GSTA4: variants seen among roughly 807,000 people sequenced by gnomAD.
The protein encoded by GSTA4 is glutathione S-transferase alpha 4, also known as glutathione S-transferase A4.
GSTA4 carries 15 observed loss-of-function variants against 24.4 expected under a neutral mutation model. The ratio of observed to expected loss-of-function variants is 0.61; its 90% confidence interval spans 0.41 to 0.95. The LOEUF (loss-of-function observed/expected upper bound fraction) is 0.95, where lower values mean the gene tolerates loss of function less well. Ranked by LOEUF, GSTA4 falls within the 40% of genes least tolerant of loss-of-function variation. GSTA4 has a pLI of 0.00. For synonymous variants in GSTA4, 92 were observed against 94.2 expected, an observed-to-expected ratio of 0.98 and a Z score of 0.13; for missense variants, 244 against 262.1, an observed-to-expected ratio of 0.93 and a Z score of 0.48.
intron 6 of GSTA4, among the ~76,000 whole-genome samples, chr6:52,980,503 C>A (rs1034252309): frequency 1.3e-5 from 2 of 152,068 alleles, no homozygotes; most frequent in African/African-American, 4.8e-5. Context: ...GGGGTTTCAC[C>A]ATGTTGGCCA....
At chr6:52,985,706 C>G (rs1468061643) in intron 3 of GSTA4, 123 bp from the exon 4 acceptor site, 4 of 987,494 alleles carry the variant, frequency 4.1e-6, no homozygotes, top group Non-Finnish European at 4.6e-6. Flanking sequence ...TGTAAAGCTT[C>G]CAGATGACAG....
In GSTA4 at chr6:52,994,139, A is replaced by T; in HGVS notation, c.87+18T>A. 2.6e-6 allele frequency: 4 copies of T among 1,520,698 alleles called. No individual in the cohort carries two copies. Among genetic ancestry groups the T allele is most frequent in the Non-Finnish European group, 3.7e-6 (4 of 1,094,440 alleles). The allele number at this position is 1,520,698 out of a possible 1,614,324, so 94.2% of individuals were successfully genotyped here. A position where few individuals can be genotyped will look rare whatever the true frequency, so the allele number is the denominator to read the frequency against. On this transcript the variant is annotated intron_variant, in intron 2 of 6. Transcript: ENST00000370963. ...AAAGCTGTATGACAAATCCGTGAAG[A>T]AACAGCATATAAGGTACCTCGACTC...
chr6:52,994,176 A>G lies in GSTA4; in HGVS notation c.68T>C (p.Leu23Ser). The G allele has an allele frequency of 1.2e-6, 2 of 1,611,798 alleles. No individual in the cohort carries two copies. Among genetic ancestry groups the G allele is most frequent in the South Asian group, 1.1e-5 (1 of 91,034 alleles). ...RGRMESVRWVLAAAGVEFDEE... is the reference protein window; with the variant it reads ...RGRMESVRWVSAAAGVEFDEE... ...AGGTACCTCGACTCCGGCGGCAGCT[A>G]AAACCCATCTCACGGACTCCATCCG... is the stretch of plus-strand genomic sequence containing the variant. The change falls in exon 2 of 7, where the codon TTA becomes TCA. Residue 23 changes from leucine (L) to serine (S), a missense_variant. Physicochemically the swap from Leu to Ser is moderately radical, Grantham distance 145. Transcript: ENST00000370963.
chr6:52,987,225 C>A, intron 3 of GSTA4, 132 bp downstream of exon 3: 1 of 641,096 alleles, frequency 1.6e-6, no homozygotes, highest in Non-Finnish European at 2.8e-6. Flanking sequence ...TATTTATTCC[C>A]TCTTGCTTTT....
intron 3 of GSTA4, among the ~76,000 whole-genome samples, chr6:52,985,981 G>A (rs550300301): frequency 1.4e-4 from 21 of 152,254 alleles, no homozygotes; most frequent in African/African-American, 4.3e-4. Context: ...AACCCGGGAG[G>A]CGGAGGTTGC....
In GSTA4 at chr6:52,984,549, G is replaced by A; in HGVS notation, c.329C>T (p.Pro110Leu). The A allele has an allele frequency of 1.2e-6, 2 of 1,612,980 alleles. No homozygotes were observed. The highest frequency in any genetic ancestry group is 1.7e-6 in the Non-Finnish European group (2 of 1,178,986). The stretch of plus-strand genomic sequence containing the variant: ...TTGCTGATCATCTGGTTTTAAGAAA[G>A]GATGCATGATAAGCAGTTCCAGCAG... ...LDLLELLIMH[P>L]FLKPDDQQKE... The change falls in exon 5 of 7, where the codon CCT (proline) becomes CTT (leucine). Residue 110 changes from proline to leucine, a missense_variant. Transcript: ENST00000370963.
chr6:52,993,219 A>C (rs959501900), intron 2 of GSTA4, among the ~76,000 whole-genome samples: 2 of 152,266 alleles, frequency 1.3e-5, no homozygotes, highest in African/African-American at 4.8e-5. Flanking sequence ...AGATGTTATC[A>C]TTAAGGGAGA....
chr6:52,985,185 A>T (rs943830260), intron 4 of GSTA4, among the ~76,000 whole-genome samples: 5 of 152,194 alleles, frequency 3.3e-5, no homozygotes, highest in Admixed American at 6.5e-5. Context: ...AAAGGGAAAA[A>T]GCAGTATCAA....
chr6:52,981,521 A>T (rs192636583), intron 6 of GSTA4, among the ~76,000 whole-genome samples: 3 of 152,376 alleles, frequency 2.0e-5, no homozygotes, highest in Admixed American at 2.0e-4. Flanking sequence ...GCTTTGTACC[A>T]ATGAAATTTA....
Position 52,984,910 on chromosome 6 carries a change from CTTTATAA to C in GSTA4, c.273-312_273-306del, listed in dbSNP as rs1483564110. On this transcript the variant is annotated intron_variant, in intron 4 of 6. Coordinates refer to ENST00000370963, the MANE Select transcript of GSTA4 (RefSeq NM_001512.4). ...TCTCTTCGTATGGGTCAAACTTCAA[CTTTATAA>C]AAATAGTGAATACCACTTATTGAGT... Among the ~76,000 whole-genome samples, 24 of 152,274 alleles carry C rather than the reference CTTTATAA, an allele frequency of 1.6e-4. No homozygotes were observed. The East Asian group carries it at 4.6e-3, about 29-fold the overall frequency.
chr6:52,991,585 C>T (rs560730628), intron 2 of GSTA4, among the ~76,000 whole-genome samples: 2 of 152,168 alleles, frequency 1.3e-5, no homozygotes, highest in Non-Finnish European at 2.9e-5. Context: ...AATAGAGGAG[C>T]ATGTTAAAAT....
chr6:52,994,840 C>A (rs1763738274), intron 1 of GSTA4, among the ~76,000 whole-genome samples: 1 of 152,164 alleles, frequency 6.6e-6, no homozygotes, highest in Admixed American at 6.5e-5. Context: ...GGGAGATGAG[C>A]CCCCGGCCTT....
chr6:52,982,765 T>C (rs1176798722), intron 5 of GSTA4, 60 bp from the exon 6 acceptor site: 2 of 1,274,656 alleles, frequency 1.6e-6, no homozygotes, highest in Non-Finnish European at 2.3e-6. Flanking sequence ...GATGAGGCTA[T>C]TGAATCAGTG....
intron 6 of GSTA4, among the ~76,000 whole-genome samples, chr6:52,982,336 T>C (rs542808612): frequency 7.1e-6 from 1 of 140,228 alleles, no homozygotes; most frequent in South Asian, 2.5e-4. Context: ...CTGGGCAACA[T>C]AGTAAGATCC....
At chr6:52,994,080 T>C (rs774478775) in intron 2 of GSTA4, 77 bp downstream of exon 2, 2 of 954,242 alleles carry the variant, frequency 2.1e-6, no homozygotes, top group Non-Finnish European at 3.5e-6. Flanking sequence ...AACTGAACGG[T>C]GCTTCAAAAC....
chr6:52,984,236 C>T (rs930404299), intron 5 of GSTA4, among the ~76,000 whole-genome samples: 43 of 152,214 alleles, frequency 2.8e-4, no homozygotes, highest in African/African-American at 1.0e-3. Flanking sequence ...GCAGGGAGCC[C>T]ATACTTTTTC....
chr6:52,983,417 A>AGTGT (rs2127384410), intron 5 of GSTA4, among the ~76,000 whole-genome samples: 1 of 152,318 alleles, frequency 6.6e-6, no homozygotes, highest in East Asian at 1.9e-4. Context: ...CATGTGCACA[A>AGTGT]GTGTGTGTGT....
intron 2 of GSTA4, among the ~76,000 whole-genome samples, chr6:52,991,270 T>C (rs1763656248): frequency 6.6e-6 from 1 of 152,144 alleles, no homozygotes; most frequent in Non-Finnish European, 1.5e-5. Flanking sequence ...ATGATGGAAA[T>C]TGAAAGAATT....
intron 3 of GSTA4, among the ~76,000 whole-genome samples, chr6:52,986,909 G>A (rs535612703): frequency 6.6e-6 from 1 of 152,268 alleles, no homozygotes; most frequent in African/African-American, 2.4e-5. Flanking sequence ...AAGGGAGGGG[G>A]CAGTTCGTTG....
Sources: gnomAD v4.1 joint callset for allele counts (sites outside exome capture counted in the v4.1 genomes callset) on GRCh38, gnomAD v4.1.1 for gene constraint, MANE v1.5 for transcripts, NCBI Gene and HGNC (gene_info 2026-07-23, HGNC 2026-07-21) for gene names.